The following RPS6KC1 variants were observed in gnomAD, a reference collection of about 807,000 sequenced individuals.
RPS6KC1 encodes the protein ribosomal protein S6 kinase C1.
RPS6KC1 carries 54 observed loss-of-function variants against 103.8 expected under a neutral mutation model. That is an observed-to-expected ratio of 0.52 (90% CI 0.42 to 0.65). The LOEUF (loss-of-function observed/expected upper bound fraction) is 0.65, where lower values mean the gene tolerates loss of function less well. Among genes scored for constraint, RPS6KC1 ranks in the 30% least tolerant of loss-of-function variants. The pLI is 0.00. For synonymous variants in RPS6KC1, 439 were observed against 438.7 expected (o/e 1.00, Z -0.01); for missense variants, 1,151 against 1,253.8 (o/e 0.92, Z 1.24).
chr1:213,741,978 T>C, the RPS6KC1 span, among the ~76,000 whole-genome samples: 1 of 152,146 alleles, frequency 6.6e-6, no homozygotes, highest in African/African-American at 2.4e-5. Flanking sequence ...ATGTGTTACA[T>C]AGACACATGA....
At chr1:213,714,611 C>T in the RPS6KC1 span, among the ~76,000 whole-genome samples, 3 of 152,222 alleles carry the variant, frequency 2.0e-5, no homozygotes, top group African/African-American at 4.8e-5. Flanking sequence ...GTATTGTGAA[C>T]TGTGTGGAAG....
At chr1:213,717,961 C>T in the RPS6KC1 span, among the ~76,000 whole-genome samples, 98 of 152,132 alleles carry the variant, frequency 6.4e-4, no homozygotes, top group Non-Finnish European at 1.3e-3. Flanking sequence ...CAGCAGATCC[C>T]TACTCTGCCG....
the RPS6KC1 span, among the ~76,000 whole-genome samples, chr1:213,348,956 G>A: frequency 6.6e-6 from 1 of 152,172 alleles, no homozygotes; most frequent in South Asian, 2.1e-4. Flanking sequence ...TTTGTTGAAA[G>A]GCTGTAGGTA....
chr1:213,210,187 C>G (rs1473083102), intron 8 of RPS6KC1, among the ~76,000 whole-genome samples: 1 of 152,116 alleles, frequency 6.6e-6, no homozygotes, highest in Non-Finnish European at 1.5e-5. Flanking sequence ...TCATTTTACC[C>G]AACCCCTGTT....
At chr1:213,155,594 A>G (rs2089789925) in intron 6 of RPS6KC1, among the ~76,000 whole-genome samples, 1 of 152,126 alleles carries the variant, frequency 6.6e-6, no homozygotes, top group African/African-American at 2.4e-5. Context: ...AGACGCTCTC[A>G]TAGACACTCT....
the RPS6KC1 span, among the ~76,000 whole-genome samples, chr1:213,357,485 C>CATCTTA: frequency 6.6e-6 from 1 of 152,186 alleles, no homozygotes; most frequent in African/African-American, 2.4e-5. Flanking sequence ...AATCGGAAAG[C>CATCTTA]ATCTTAGCGA....
the RPS6KC1 span, among the ~76,000 whole-genome samples, chr1:213,811,870 T>TTA: frequency 6.6e-6 from 1 of 152,222 alleles, no homozygotes; most frequent in Non-Finnish European, 1.5e-5. Flanking sequence ...GTATAAACAG[T>TTA]TATGTCATAT....
Position 213,252,452 on chromosome 1 carries a change from A to C in RPS6KC1, c.2912-9106A>C, listed in dbSNP as rs79914231. 9.3e-3 allele frequency among the ~76,000 whole-genome samples: 1,410 copies of C among 152,336 alleles called. 44 individuals are homozygous for C. Among genetic ancestry groups the C allele is most frequent in the East Asian group, 0.071 (367 of 5,186 alleles). On this transcript the variant is annotated intron_variant, in intron 12 of 14. Transcript: ENST00000366960. ...AGTTAAATTCTTGACCAATTGTAAC[A>C]ACATTTCTAATTGAACACTTAAAGA...
At chr1:213,774,933 G>T in the RPS6KC1 span, among the ~76,000 whole-genome samples, 3 of 152,202 alleles carry the variant, frequency 2.0e-5, no homozygotes, top group Non-Finnish European at 4.4e-5. Context: ...GTCCTCTGGG[G>T]ATTAAGATGG....
chr1:213,374,429 GA>G, the RPS6KC1 span, among the ~76,000 whole-genome samples: 1 of 151,992 alleles, frequency 6.6e-6, no homozygotes, highest in Non-Finnish European at 1.5e-5. Flanking sequence ...CACACTTTGA[GA>G]AACCCCAGGG....
the RPS6KC1 span, among the ~76,000 whole-genome samples, chr1:213,591,748 A>G: frequency 1.7e-3 from 253 of 152,324 alleles, 1 homozygote; most frequent in African/African-American, 5.6e-3. Flanking sequence ...AGGGAGGTTA[A>G]TGAAACAGGT....
At chr1:213,071,718 A>G (rs754931308) in intron 2 of RPS6KC1, among the ~76,000 whole-genome samples, 1 of 152,196 alleles carries the variant, frequency 6.6e-6, no homozygotes, top group Non-Finnish European at 1.5e-5. Flanking sequence ...TAAAGATTCT[A>G]ACAGTAAATT....
intron 6 of RPS6KC1, among the ~76,000 whole-genome samples, chr1:213,136,384 A>G (rs906373334): frequency 6.6e-6 from 1 of 152,126 alleles, no homozygotes; most frequent in African/African-American, 2.4e-5. Flanking sequence ...GCTATCCCTG[A>G]TGCACTGCAT....
chr1:213,442,063 A>T, the RPS6KC1 span, among the ~76,000 whole-genome samples: 1 of 152,184 alleles, frequency 6.6e-6, no homozygotes, highest in Non-Finnish European at 1.5e-5. Flanking sequence ...TGGCTCTTTA[A>T]GATGTAATTT....
intron 6 of RPS6KC1, among the ~76,000 whole-genome samples, chr1:213,152,513 A>G (rs1374457416): frequency 7.0e-6 from 1 of 142,340 alleles, no homozygotes; most frequent in Non-Finnish European, 1.5e-5. Flanking sequence ...GGGGCTCCTC[A>G]CTTCTCAGAC....
chr1:213,207,298 C>T (rs1316540381), intron 8 of RPS6KC1, among the ~76,000 whole-genome samples: 1 of 152,156 alleles, frequency 6.6e-6, no homozygotes, highest in Non-Finnish European at 1.5e-5. Context: ...CAGAAATGGA[C>T]TTTCTTTGAG....
At chr1:213,602,100 CTT>C in the RPS6KC1 span, among the ~76,000 whole-genome samples, 447 of 22,720 alleles carry the variant, frequency 0.02, 39 homozygotes, top group Middle Eastern at 0.023. Flanking sequence ...TTCTTTCTTT[CTT>C]TCTTTCTTTC....
the RPS6KC1 span, among the ~76,000 whole-genome samples, chr1:213,536,464 A>G: frequency 6.6e-6 from 1 of 152,208 alleles, no homozygotes; most frequent in African/African-American, 2.4e-5. Flanking sequence ...TATAAACTGC[A>G]TGAGGACAGA....
intron 1 of RPS6KC1, among the ~76,000 whole-genome samples, chr1:213,051,785 C>G (rs1382628916): frequency 6.6e-6 from 1 of 152,140 alleles, no homozygotes; most frequent in African/African-American, 2.4e-5. Flanking sequence ...GACTCAGTTC[C>G]CATCCCGTTT....
Sources: allele counts gnomAD v4.1 joint callset (sites outside exome capture counted in the v4.1 genomes callset), GRCh38; gene constraint gnomAD v4.1.1; transcripts MANE v1.5; gene names NCBI Gene and HGNC (gene_info 2026-07-23, HGNC 2026-07-21).